The following STARD6 variants were observed in gnomAD, a reference collection of about 807,000 sequenced individuals.
STARD6 encodes the protein stAR-related lipid transfer protein 6.
STARD6 carries 21 observed loss-of-function variants against 22.3 expected under a neutral mutation model. The observed-to-expected ratio is 0.94, with a 90% CI of 0.67 to 1.35. The LOEUF is 1.35. STARD6 is among the 40% of genes most tolerant of loss of function. The probability of loss-of-function intolerance (pLI) is 0.00; values close to 1 mark genes in which losing one functional copy is unlikely to be tolerated. For missense variants in STARD6, 269 were observed against 266.9 expected (o/e 1.01, Z -0.05); for synonymous variants, 80 against 88.1 (o/e 0.91, Z 0.52).
chr18:54,324,854 T>A lies in STARD6; in HGVS notation c.501A>T (p.Leu167=), dbSNP rs1218276548. 6.4e-7 allele frequency: 1 copy of A among 1,569,926 alleles called. No individual in the cohort carries two copies. Among genetic ancestry groups the A allele is most frequent in the Non-Finnish European group, 8.6e-7 (1 of 1,163,606 alleles). ...TCATTTCTGTCTGGACAAACATCAC[T>A]AGTTTGGAATATGCTGGGTTTCTGT... ...PMEENPAYSK[L]VMFVQTEMRG... The change falls in exon 8 of 8, where the codon CTA becomes CTT. Residue 167 remains leucine, a synonymous_variant. Transcript: ENST00000307844.
intron 2 of STARD6, among the ~76,000 whole-genome samples, 194 bp downstream of exon 2, chr18:54,356,167 C>A (rs1158663460): frequency 6.6e-6 from 1 of 152,192 alleles, no homozygotes; most frequent in Non-Finnish European, 1.5e-5. Context: ...AATAAACCTT[C>A]TTAAAGTTTA....
intron 7 of STARD6, among the ~76,000 whole-genome samples, chr18:54,328,619 AT>A (rs2088842845): frequency 6.7e-6 from 1 of 149,238 alleles, no homozygotes; most frequent in African/African-American, 2.6e-5. Context: ...ATTTAATTTC[AT>A]TTGGGCTTCC....
chr18:54,327,373 G>T (rs1352202796), intron 7 of STARD6, among the ~76,000 whole-genome samples: 1 of 151,928 alleles, frequency 6.6e-6, no homozygotes, highest in Admixed American at 6.6e-5. Context: ...TTTTTACAGA[G>T]AATTAGGATG....
chr18:54,354,092 A>C lies in STARD6; in HGVS notation c.102T>G (p.Thr34=), dbSNP rs773050948. The C allele has an allele frequency of 8.3e-6, 13 of 1,563,152 alleles. No homozygotes were observed. Among genetic ancestry groups the C allele is most frequent in the Non-Finnish European group, 1.1e-5 (13 of 1,152,292 alleles). Residue 34 remains threonine (T), a synonymous_variant, in exon 4 of 8, where the codon ACT becomes ACG. Coordinates refer to ENST00000307844, the MANE Select transcript of STARD6 (RefSeq NM_139171.2). Reference sequence around the variant, plus strand: ...ATTTTCTAGAAGCCTTACTGGAAACAGTTATCTTTTTCTCAAAGGGGAATA... The same window carrying C: ...ATTTTCTAGAAGCCTTACTGGAAACCGTTATCTTTTTCTCAAAGGGGAATA... The part of the protein sequence containing the change: ...WKVVKTSKKI[T]VSSKASRKFH...
chr18:54,340,028 AG>A (rs1438839197), intron 4 of STARD6, among the ~76,000 whole-genome samples: 6 of 152,188 alleles, frequency 3.9e-5, no homozygotes, highest in African/African-American at 1.4e-4. Flanking sequence ...ACCAATGAAG[AG>A]AACCAGAAAT....
chr18:54,334,441 TC>T (rs1226451653), intron 5 of STARD6, among the ~76,000 whole-genome samples: 3 of 152,090 alleles, frequency 2.0e-5, no homozygotes, highest in Non-Finnish European at 2.9e-5. Flanking sequence ...GCAAAACTTC[TC>T]CCCCTGACCT....
chr18:54,352,205 C>T (rs1298621526), intron 4 of STARD6, among the ~76,000 whole-genome samples: 3 of 150,488 alleles, frequency 2.0e-5, no homozygotes, highest in Non-Finnish European at 4.4e-5. Flanking sequence ...ATTTATCGAT[C>T]TCCTCTAGAT....
At chr18:54,337,325 G>A (rs2088924904) in intron 4 of STARD6, 74 bp from the exon 5 acceptor site, 3 of 1,392,908 alleles carry the variant, frequency 2.2e-6, no homozygotes, top group South Asian at 3.1e-5. Flanking sequence ...TACTATCAAA[G>A]CATAAAGGTA....
At chr18:54,339,073 A>C (rs7227208) in intron 4 of STARD6, among the ~76,000 whole-genome samples, 10,345 of 135,602 alleles carry the variant, frequency 0.076, 1,587 homozygotes, top group African/African-American at 0.33. Context: ...AAAAAAAAAA[A>C]AAAAAAACTC....
chr18:54,330,926 C>T (rs2088860130), intron 6 of STARD6, among the ~76,000 whole-genome samples: 1 of 151,872 alleles, frequency 6.6e-6, no homozygotes, highest in South Asian at 2.1e-4. Context: ...AACATCAGCC[C>T]TTAGTGGTAT....
rs62091242 is a variant in STARD6 at position 54,337,353 on chromosome 18, G to A, written c.141-102C>T. 5,897 of 1,071,542 alleles carry A rather than the reference G, an allele frequency of 5.5e-3. 23 individuals carry two copies. Among genetic ancestry groups the A allele is most frequent in the Non-Finnish European group, 6.7e-3 (5,152 of 771,180 alleles). The allele number at this position is 1,071,542 out of a possible 1,614,324, so 66.4% of individuals were successfully genotyped here. A position where few individuals can be genotyped will look rare whatever the true frequency, so the allele number is the denominator to read the frequency against. On this transcript the variant is annotated intron_variant, in intron 4 of 7. Transcript: ENST00000307844. ...TAAAGGTAGGCTAATTTAGCAAACAGCAATGAAGAAAACTTGAAGGTACTA... is the reference window on the plus strand; with the variant it reads ...TAAAGGTAGGCTAATTTAGCAAACAACAATGAAGAAAACTTGAAGGTACTA...
At chr18:54,342,370 A>G (rs1273299251) in intron 4 of STARD6, among the ~76,000 whole-genome samples, 1 of 152,132 alleles carries the variant, frequency 6.6e-6, no homozygotes. Flanking sequence ...ACATTTCCCA[A>G]ATTTTAGCTT....
At position 54,326,783 on chromosome 18, in the gene STARD6, A is replaced by T. The variant is rs201239820; in HGVS notation, c.480-1908T>A. Among the ~76,000 whole-genome samples, 9 of 152,032 alleles carry T rather than the reference A, an allele frequency of 5.9e-5. No homozygotes were observed. The East Asian group carries it at 1.2e-3, about 20-fold the overall frequency. On this transcript the variant is annotated intron_variant, in intron 7 of 7. Transcript: ENST00000307844. ...TTTATTTATTATTAAATCAAAAATT[A>T]ATTGAATGACAGTGCTGGAATTATA...
chr18:54,350,186 G>C (rs1182743557), intron 4 of STARD6, among the ~76,000 whole-genome samples: 1 of 152,116 alleles, frequency 6.6e-6, no homozygotes, highest in Non-Finnish European at 1.5e-5. Context: ...TCTTGCAGGG[G>C]TAAGATGGTA....
intron 4 of STARD6, among the ~76,000 whole-genome samples, chr18:54,341,578 T>G (rs1357033321): frequency 6.6e-6 from 1 of 152,248 alleles, no homozygotes; most frequent in Non-Finnish European, 1.5e-5. Context: ...CAAAGTATTT[T>G]TGTCATCACA....
Position 54,341,587 on chromosome 18 carries a change from C to A in STARD6, c.141-4336G>T, listed in dbSNP as rs376099931. 1.1e-3 allele frequency among the ~76,000 whole-genome samples: 167 copies of A among 152,196 alleles called. 4 individuals are homozygous for A. In the South Asian group the frequency reaches 0.031, roughly 28 times the overall value. ...ATTTTACAAAGTATTTTTGTCATCA[C>A]AATGGAATTAAATTTTAACAACAGA... On this transcript the variant is annotated intron_variant, in intron 4 of 7. Coordinates refer to ENST00000307844, the MANE Select transcript of STARD6 (RefSeq NM_139171.2).
rs528731575 is a variant in STARD6 at position 54,324,573 on chromosome 18, A to G, written c.*119T>C. On this transcript the variant is annotated 3_prime_UTR_variant, in exon 8 of 8. Coordinates refer to ENST00000307844, the MANE Select transcript of STARD6 (RefSeq NM_139171.2). ...TTATGAACTATCTTCAGCCATGTGT[A>G]CAAGAATACTGTCTAGAATAGTTTA... is the stretch of plus-strand genomic sequence containing the variant. The G allele has an allele frequency of 1.1e-6, 1 of 910,530 alleles. No homozygotes were observed. Among genetic ancestry groups the G allele is most frequent in the Admixed American group, 3.1e-5 (1 of 31,890 alleles). The allele number at this position is 910,530 out of a possible 1,614,324, so 56.4% of individuals were successfully genotyped here.
chr18:54,325,756 C>G (rs1466918475), intron 7 of STARD6, among the ~76,000 whole-genome samples: 5 of 152,074 alleles, frequency 3.3e-5, no homozygotes, highest in Admixed American at 3.3e-4. Context: ...CATTATGTTG[C>G]CAAGGCCAGT....
At chr18:54,356,521 TCTTCTCAGTGTC>T in intron 1 of STARD6, 77 bp from the exon 2 acceptor site, 1 of 152,328 alleles carries the variant, frequency 6.6e-6, no homozygotes, top group Admixed American at 6.5e-5. Flanking sequence ...TTTCTTTATA[TCTTCTCAGTGTC>T]CTTTATCTAT....
Sources: allele counts gnomAD v4.1 joint callset (sites outside exome capture counted in the v4.1 genomes callset), GRCh38; gene constraint gnomAD v4.1.1; transcripts MANE v1.5; gene names NCBI Gene and HGNC (gene_info 2026-07-23, HGNC 2026-07-21).